TSPAN13: variants seen among roughly 807,000 people sequenced by gnomAD.
The protein encoded by TSPAN13 is tetraspanin-13.
Under a neutral mutation model 26.9 loss-of-function variants are expected in TSPAN13, and 18 were observed. That is an observed-to-expected ratio of 0.67 (90% CI 0.46 to 0.99). The LOEUF (loss-of-function observed/expected upper bound fraction) is 0.99. Among genes scored for constraint, TSPAN13 ranks in the 50% least tolerant of loss-of-function variants. TSPAN13 has a pLI of 0.00. For synonymous variants in TSPAN13, 116 were observed against 98.4 expected (o/e 1.18, Z -1.06); for missense variants, 201 against 249.6 (o/e 0.81, Z 1.31).
At chr7:16,758,811 T>C (rs1004552018) in intron 1 of TSPAN13, among the ~76,000 whole-genome samples, 20 of 152,164 alleles carry the variant, frequency 1.3e-4, no homozygotes, top group Non-Finnish European at 1.8e-4. Context: ...TCCTCTACCG[T>C]TTCTCTTGAA....
chr7:16,759,227 A>G (rs1359016060), intron 1 of TSPAN13, among the ~76,000 whole-genome samples: 4 of 152,182 alleles, frequency 2.6e-5, no homozygotes, highest in Admixed American at 2.6e-4. Flanking sequence ...ATTGCTATAA[A>G]GAAATACCTG....
intron 4 of TSPAN13, 129 bp downstream of exon 4, chr7:16,778,040 A>G (rs1784773181): frequency 3.0e-6 from 2 of 671,076 alleles, no homozygotes; most frequent in South Asian, 4.9e-5. Context: ...TTTACATTAT[A>G]TTTCCATGTC....
At chr7:16,773,272 G>C (rs1784703346) in intron 1 of TSPAN13, among the ~76,000 whole-genome samples, 1 of 150,106 alleles carries the variant, frequency 6.7e-6, no homozygotes, top group South Asian at 2.1e-4. Flanking sequence ...CCCACAGCCA[G>C]ATCCATCTCA....
At chr7:16,773,965 C>T (rs775417497) in intron 1 of TSPAN13, among the ~76,000 whole-genome samples, 1 of 152,112 alleles carries the variant, frequency 6.6e-6, no homozygotes. Flanking sequence ...GGCTGTGGTG[C>T]CCAGTTGTTT....
intron 1 of TSPAN13, among the ~76,000 whole-genome samples, chr7:16,773,466 C>T (rs1784705760): frequency 1.3e-5 from 2 of 152,116 alleles, no homozygotes; most frequent in Non-Finnish European, 2.9e-5. Flanking sequence ...TTGTCTGTCA[C>T]TGCTTTTGTG....
chr7:16,754,972 A>G (rs76316899), intron 1 of TSPAN13, among the ~76,000 whole-genome samples: 1 of 152,246 alleles, frequency 6.6e-6, no homozygotes, highest in African/African-American at 2.4e-5. Context: ...AAAAGGTTTT[A>G]GTAAGTTTAC....
At position 16,757,427 on chromosome 7, in the gene TSPAN13, T is replaced by C. The variant is rs1292027517; in HGVS notation, c.63+3397T>C. Among the ~76,000 whole-genome samples the C allele has an allele frequency of 2.6e-5, 4 of 152,150 alleles. No individual in the cohort carries two copies. The East Asian group carries it at 7.7e-4, about 29-fold the overall frequency. ...ATATGAAATAAAATTTGTATTAAAATACGTAATATTTTGAAGCTTTATAAT... is the reference window on the plus strand; with the variant it reads ...ATATGAAATAAAATTTGTATTAAAACACGTAATATTTTGAAGCTTTATAAT... On this transcript the variant is annotated intron_variant, in intron 1 of 5. Transcript: ENST00000262067.
intron 1 of TSPAN13, among the ~76,000 whole-genome samples, chr7:16,756,005 T>G (rs1470161046): frequency 6.6e-6 from 1 of 152,226 alleles, no homozygotes. Flanking sequence ...AATCATAGAC[T>G]TTTTAGACAA....
At chr7:16,762,966 C>T (rs1438474972) in intron 1 of TSPAN13, among the ~76,000 whole-genome samples, 7 of 152,060 alleles carry the variant, frequency 4.6e-5, no homozygotes, top group Admixed American at 4.6e-4. Flanking sequence ...ACCTGTGAAC[C>T]CATGACCACA....
intron 1 of TSPAN13, among the ~76,000 whole-genome samples, chr7:16,756,292 C>T (rs554587682): frequency 1.3e-5 from 2 of 152,156 alleles, no homozygotes; most frequent in Non-Finnish European, 2.9e-5. Context: ...TGAATAGAAA[C>T]ATTCTTTGTA....
chr7:16,758,627 TA>T (rs1031998482), intron 1 of TSPAN13, among the ~76,000 whole-genome samples: 3 of 152,218 alleles, frequency 2.0e-5, no homozygotes, highest in Non-Finnish European at 2.9e-5. Flanking sequence ...TGATCAAGGT[TA>T]AGTGCAGAAG....
chr7:16,761,859 T>C (rs1195060293), intron 1 of TSPAN13, among the ~76,000 whole-genome samples: 1 of 152,090 alleles, frequency 6.6e-6, no homozygotes, highest in African/African-American at 2.4e-5. Flanking sequence ...TACATGTCTG[T>C]GGATGCTGTA....
rs1055192855 is a variant in TSPAN13, at chr7:16,753,882, C to G, written c.-86C>G. ...GCGTTGCTGCCCCGCCTGGGCCAGG[C>G]CCCAAAGGCAAGGACAAAGCAGCTG... On this transcript the variant is annotated 5_prime_UTR_variant, in exon 1 of 6. Coordinates refer to ENST00000262067, the MANE Select transcript of TSPAN13 (RefSeq NM_014399.4). The G allele has an allele frequency of 1.4e-6, 2 of 1,416,386 alleles. No individual in the cohort carries two copies. The highest frequency in any genetic ancestry group is 2.0e-6 in the Non-Finnish European group (2 of 1,021,762). 87.7% of individuals were successfully genotyped at this position (1,416,386 alleles called of 1,614,324 possible). A position where few individuals can be genotyped will look rare whatever the true frequency, so the allele number is the denominator to read the frequency against.
chr7:16,772,994 T>C (rs114677021), intron 1 of TSPAN13, among the ~76,000 whole-genome samples: 4,807 of 151,916 alleles, frequency 0.032, 264 homozygotes, highest in African/African-American at 0.11. Context: ...AAACTCTGTC[T>C]CCAAAAAATA....
intron 1 of TSPAN13, among the ~76,000 whole-genome samples, chr7:16,759,892 G>A (rs558405224): frequency 1.3e-5 from 2 of 152,018 alleles, no homozygotes; most frequent in Non-Finnish European, 1.5e-5. Context: ...GGTCTGTGTT[G>A]TCTGGGCTAG....
intron 1 of TSPAN13, among the ~76,000 whole-genome samples, chr7:16,772,900 G>A (rs1261478844): frequency 6.6e-6 from 1 of 152,140 alleles, no homozygotes; most frequent in Non-Finnish European, 1.5e-5. Flanking sequence ...GAAGGCTGAG[G>A]TGGGAGAATC....
At chr7:16,770,341 G>T (rs1015654044) in intron 1 of TSPAN13, among the ~76,000 whole-genome samples, 5 of 151,966 alleles carry the variant, frequency 3.3e-5, no homozygotes, top group Admixed American at 2.0e-4. Flanking sequence ...AAGTAGCTGG[G>T]ATTACAGGTG....
Position 16,767,640 on chromosome 7 carries a change from C to G in TSPAN13, c.64-8571C>G, listed in dbSNP as rs200762719. 3.2e-4 allele frequency among the ~76,000 whole-genome samples: 48 copies of G among 152,158 alleles called. No individual in the cohort carries two copies. The East Asian group carries it at 6.8e-3, about 21-fold the overall frequency. ...GGTGTTAATTTGTTATATAAAGTAG[C>G]TACAACAATTTATATTCCTACTTGT... is the stretch of plus-strand genomic sequence containing the variant. On this transcript the variant is annotated intron_variant, in intron 1 of 5. Transcript: ENST00000262067.
intron 1 of TSPAN13, 42 bp downstream of exon 1, chr7:16,754,072 C>G: frequency 6.3e-7 from 1 of 1,597,732 alleles, no homozygotes; most frequent in East Asian, 2.3e-5. Flanking sequence ...GGGGGCTTTG[C>G]ACCTGCTTGG....
Sources: gnomAD v4.1 joint callset for allele counts (sites outside exome capture counted in the v4.1 genomes callset) on GRCh38, gnomAD v4.1.1 for gene constraint, MANE v1.5 for transcripts, NCBI Gene and HGNC (gene_info 2026-07-23, HGNC 2026-07-21) for gene names.